COL23A1: variants seen among roughly 807,000 people sequenced by gnomAD.
COL23A1 encodes the protein collagen type XXIII alpha 1 chain, also known as collagen alpha-1(XXIII) chain.
COL23A1 carries 97 observed loss-of-function variants against 99.3 expected under a neutral mutation model. The ratio of observed to expected loss-of-function variants is 0.98; its 90% CI spans 0.83 to 1.16. COL23A1 has a LOEUF of 1.16. Ranked by LOEUF, COL23A1 falls within the 50% of genes most tolerant of loss-of-function variation. The pLI, the probability that COL23A1 is intolerant of heterozygous loss-of-function variation, is 0.00. For synonymous variants in COL23A1, 320 were observed against 308.2 expected (o/e 1.04, Z -0.40); for missense variants, 762 against 757.4 (o/e 1.01, Z -0.07).
At chr5:178,356,218 G>A (rs943433302) in intron 2 of COL23A1, among the ~76,000 whole-genome samples, 6 of 152,082 alleles carry the variant, frequency 3.9e-5, no homozygotes, top group African/African-American at 1.4e-4. Flanking sequence ...AGGGGAGGAG[G>A]ACAGCCAATG....
intron 3 of COL23A1, among the ~76,000 whole-genome samples, chr5:178,292,777 C>T (rs1027759753): frequency 2.0e-5 from 3 of 152,088 alleles, no homozygotes; most frequent in South Asian, 4.1e-4. Context: ...ATGGGGCTGC[C>T]GTCAACAGAG....
At position 178,255,800 on chromosome 5, in the gene COL23A1, CG is replaced by C; in HGVS notation, c.882+552del. 5.2e-6 allele frequency: 2 copies of C among 386,666 alleles called. No individual in the cohort carries two copies. Among genetic ancestry groups the C allele is most frequent in the East Asian group, 9.3e-5 (1 of 10,732 alleles). The allele number at this position is 386,666 out of a possible 1,614,324, so 24.0% of individuals were successfully genotyped here. A position where few individuals can be genotyped will look rare whatever the true frequency, so the allele number is the denominator to read the frequency against. ...GCTCCCCACCACCTGCACAGCCAGG[CG>C]GGGGCTCAGATCCATTTTTTTTGGA... On this transcript the variant is annotated intron_variant, in intron 15 of 28. Coordinates refer to ENST00000390654, the MANE Select transcript of COL23A1 (RefSeq NM_173465.4). This position sits in a 1 kb window ranked among gnomAD's most constrained non-coding sequence, Gnocchi z 4.2.
chr5:178,330,183 A>C (rs1185602692), intron 2 of COL23A1, among the ~76,000 whole-genome samples: 2 of 152,194 alleles, frequency 1.3e-5, no homozygotes, highest in Admixed American at 1.3e-4. Context: ...CCCTCCCTGC[A>C]GAAGAAGGGC....
chr5:178,303,205 G>A (rs1758168719), intron 3 of COL23A1, among the ~76,000 whole-genome samples: 1 of 152,130 alleles, frequency 6.6e-6, no homozygotes, highest in Admixed American at 6.5e-5. Flanking sequence ...TCACCATGTT[G>A]GCCAGGCTGG....
intron 2 of COL23A1, among the ~76,000 whole-genome samples, chr5:178,481,517 AAAAAC>A (rs567927775): frequency 4.1e-4 from 62 of 152,304 alleles, no homozygotes; most frequent in South Asian, 2.7e-3. Flanking sequence ...ACTCAATAAC[AAAAAC>A]AAAACAAAAC....
intron 2 of COL23A1, among the ~76,000 whole-genome samples, chr5:178,548,304 A>G (rs1320638032): frequency 1.3e-5 from 2 of 151,766 alleles, no homozygotes; most frequent in Non-Finnish European, 2.9e-5. Flanking sequence ...GGCTGATTGC[A>G]TATCTCCTCT....
At chr5:178,249,268 G>T in intron 18 of COL23A1, 62 bp from the exon 19 acceptor site, 2 of 1,513,426 alleles carry the variant, frequency 1.3e-6, no homozygotes, top group Non-Finnish European at 9.2e-7. Flanking sequence ...TCTCCCCCCA[G>T]CAGGTCCCCA....
At chr5:178,465,459 G>A (rs939300476) in intron 2 of COL23A1, among the ~76,000 whole-genome samples, 3 of 152,198 alleles carry the variant, frequency 2.0e-5, no homozygotes, top group Admixed American at 6.5e-5. Flanking sequence ...GGGTTTAAAA[G>A]CATTCTTCAC....
intron 2 of COL23A1, among the ~76,000 whole-genome samples, chr5:178,532,466 G>A (rs1760701377): frequency 6.6e-6 from 1 of 152,092 alleles, no homozygotes. Flanking sequence ...AGACTCAGCC[G>A]AGCCCCGAGA....
chr5:178,274,753 C>T (rs1029124779), intron 5 of COL23A1, among the ~76,000 whole-genome samples: 1 of 152,202 alleles, frequency 6.6e-6, no homozygotes, highest in African/African-American at 2.4e-5. Context: ...CTTGCAGGGC[C>T]CAGGTTCAAA....
rs564979860 is a variant in COL23A1 at position 178,306,903 on chromosome 5, G to A, written c.378C>T (p.Arg126=). The change falls in exon 3 of 29, where the codon CGC becomes CGT. Residue 126 remains arginine (R), a synonymous_variant. Coordinates refer to ENST00000390654, the MANE Select transcript of COL23A1 (RefSeq NM_173465.4). The surrounding 1 kb of genome is among the most constrained non-coding windows in gnomAD (Gnocchi z 4.1). ...CVCPPGPPGR[R]GKPGRRGDPG... ...GGTCGCCTCTTCTCCCAGGCTTGCC[G>A]CGCCGTCCAGGGGGCCCTAGACAGG... The A allele has an allele frequency of 1.6e-5, 25 of 1,547,022 alleles. No individual in the cohort carries two copies. Among genetic ancestry groups the A allele is most frequent in the Middle Eastern group, 3.4e-4 (2 of 5,864 alleles).
At chr5:178,497,683 GA>G (rs1469855971) in intron 2 of COL23A1, among the ~76,000 whole-genome samples, 1 of 152,150 alleles carries the variant, frequency 6.6e-6, no homozygotes, top group Non-Finnish European at 1.5e-5. Context: ...AGTTTTGGGG[GA>G]AATGTAGCAT....
intron 2 of COL23A1, among the ~76,000 whole-genome samples, chr5:178,511,489 C>T (rs1759203678): frequency 6.6e-6 from 1 of 152,230 alleles, no homozygotes; most frequent in Non-Finnish European, 1.5e-5. Flanking sequence ...CAATGGGATG[C>T]ATGCTTGTTA....
chr5:178,555,060 A>T (rs1762195310), intron 2 of COL23A1, among the ~76,000 whole-genome samples: 1 of 152,202 alleles, frequency 6.6e-6, no homozygotes. Flanking sequence ...CAGAAATGTG[A>T]TAAGGTGCCG....
intron 1 of COL23A1, among the ~76,000 whole-genome samples, chr5:178,575,372 A>T (rs918411659): frequency 1.1e-4 from 16 of 147,454 alleles, no homozygotes; most frequent in Admixed American, 8.1e-4. Context: ...CTCTTCAAAG[A>T]CCCCCTTTGA....
At chr5:178,486,975 G>A (rs1757665339) in intron 2 of COL23A1, among the ~76,000 whole-genome samples, 1 of 152,204 alleles carries the variant, frequency 6.6e-6, no homozygotes, top group Admixed American at 6.5e-5. Context: ...AATGGCACAG[G>A]ACTTAAAACT....
intron 2 of COL23A1, among the ~76,000 whole-genome samples, chr5:178,531,271 C>A (rs1760633597): frequency 1.3e-5 from 2 of 152,204 alleles, no homozygotes; most frequent in Non-Finnish European, 2.9e-5. Flanking sequence ...GTTCAACTCT[C>A]CCATTTGAGG....
At chr5:178,485,864 C>T (rs1303321114) in intron 2 of COL23A1, among the ~76,000 whole-genome samples, 2 of 151,864 alleles carry the variant, frequency 1.3e-5, no homozygotes, top group African/African-American at 4.8e-5. Flanking sequence ...GAAAATCTGC[C>T]CCAGCTGAGT....
chr5:178,413,900 T>A (rs770784147), intron 2 of COL23A1, among the ~76,000 whole-genome samples: 1 of 152,232 alleles, frequency 6.6e-6, no homozygotes, highest in Non-Finnish European at 1.5e-5. Flanking sequence ...GTCTATCCAA[T>A]GTCTGTTTCC....
Sources: allele counts gnomAD v4.1 joint callset (sites outside exome capture counted in the v4.1 genomes callset), GRCh38; gene constraint gnomAD v4.1.1; non-coding constraint Gnocchi (gnomAD v3.1); transcripts MANE v1.5; gene names NCBI Gene and HGNC (gene_info 2026-07-23, HGNC 2026-07-21).